CHMP2B: variants seen among roughly 807,000 people sequenced by gnomAD.
CHMP2B encodes VPS2 homolog B.
A neutral mutation model predicts 29.8 loss-of-function variants in CHMP2B; 22 were observed. That is an observed-to-expected ratio of 0.74 (90% CI 0.53 to 1.05). The LOEUF is 1.05. Among genes scored for constraint, CHMP2B ranks in the 50% least tolerant of loss-of-function variants. The probability of loss-of-function intolerance (pLI) is 0.00; values close to 1 mark genes in which losing one functional copy is unlikely to be tolerated. For missense variants in CHMP2B, 261 were observed against 252.2 expected (o/e 1.03, Z -0.24); for synonymous variants, 78 against 75.8 (o/e 1.03, Z -0.15).
rs577108701 is a variant in CHMP2B, at chr3:87,236,549, C to G, written c.35-4150C>G. Among the ~76,000 whole-genome samples, 41 of 152,114 alleles carry G rather than the reference C, an allele frequency of 2.7e-4. 1 individual carries two copies. In the East Asian group the frequency reaches 7.6e-3, roughly 28 times the overall value. Reference sequence around the variant, plus strand: ...GTCTTTCTGAGCAGTATTGTTGTAGCTTGTATAAGACCATCATCACCACCG... The same window carrying G: ...GTCTTTCTGAGCAGTATTGTTGTAGGTTGTATAAGACCATCATCACCACCG... On this transcript the variant is annotated intron_variant, in intron 1 of 5. Transcript: ENST00000263780.
At chr3:87,243,280 A>G (rs1264809038) in intron 2 of CHMP2B, among the ~76,000 whole-genome samples, 1 of 152,112 alleles carries the variant, frequency 6.6e-6, no homozygotes, top group Non-Finnish European at 1.5e-5. Context: ...CCCACTTGGT[A>G]ATGATGTATT....
intron 1 of CHMP2B, among the ~76,000 whole-genome samples, chr3:87,231,219 G>A (rs1705904897): frequency 1.3e-5 from 2 of 152,026 alleles, no homozygotes; most frequent in African/African-American, 2.4e-5. Context: ...CTGTACCTAG[G>A]TGTCTCACAG....
rs1026142155 is a variant in CHMP2B, at chr3:87,255,259, A to G, written c.*1437A>G. On this transcript the variant is annotated 3_prime_UTR_variant, in exon 6 of 6. Coordinates refer to ENST00000263780, the MANE Select transcript of CHMP2B (RefSeq NM_014043.4). ...TTTATATTCCGTAAACCATTTTATA[A>G]TGTTCAAAGATTAGGTTTTGTTATT... 6.6e-6 allele frequency: 1 copy of G among 152,484 alleles called. No homozygotes were observed. Among genetic ancestry groups the G allele is most frequent in the Non-Finnish European group, 1.5e-5 (1 of 67,934 alleles). 9.4% of individuals were successfully genotyped at this position (152,484 alleles called of 1,614,324 possible). A position where few individuals can be genotyped will look rare whatever the true frequency, so the allele number is the denominator to read the frequency against.
chr3:87,252,656 T>G (rs1050412251), intron 4 of CHMP2B, among the ~76,000 whole-genome samples: 19 of 152,112 alleles, frequency 1.2e-4, no homozygotes, highest in African/African-American at 4.6e-4. Flanking sequence ...TATACTCAAG[T>G]GTCAACTACC....
chr3:87,240,531 A>T (rs997481510), intron 1 of CHMP2B, 168 bp from the exon 2 acceptor site: 2 of 554,830 alleles, frequency 3.6e-6, no homozygotes, highest in South Asian at 3.7e-5. Context: ...GCTGGTCTCG[A>T]ACTCCTGACC....
chr3:87,244,262 T>C (rs929284271), intron 2 of CHMP2B, among the ~76,000 whole-genome samples: 6 of 151,942 alleles, frequency 3.9e-5, no homozygotes, highest in Admixed American at 2.6e-4. Context: ...GCCAGGATGG[T>C]CTTGATTTCT....
At chr3:87,236,623 G>A (rs1001095662) in intron 1 of CHMP2B, among the ~76,000 whole-genome samples, 9 of 151,910 alleles carry the variant, frequency 5.9e-5, no homozygotes, top group Admixed American at 1.3e-4. Flanking sequence ...AGGCCGAGGC[G>A]GTTGGATCAC....
chr3:87,251,794 T>G (rs896885773), intron 4 of CHMP2B, among the ~76,000 whole-genome samples: 7 of 151,956 alleles, frequency 4.6e-5, no homozygotes, highest in African/African-American at 1.7e-4. Flanking sequence ...AGCATTCTTC[T>G]TTGTTAGTCT....
At chr3:87,243,053 C>T (rs1706148884) in intron 2 of CHMP2B, among the ~76,000 whole-genome samples, 1 of 152,040 alleles carries the variant, frequency 6.6e-6, no homozygotes, top group South Asian at 2.1e-4. Flanking sequence ...TGTTAGTTAA[C>T]ATTAACAGAA....
At chr3:87,240,108 A>G (rs772999398) in intron 1 of CHMP2B, among the ~76,000 whole-genome samples, 12 of 152,092 alleles carry the variant, frequency 7.9e-5, no homozygotes, top group Non-Finnish European at 1.3e-4. Flanking sequence ...ACACTATACT[A>G]ATCAGTTCTG....
At chr3:87,241,885 G>A (rs1017010248) in intron 2 of CHMP2B, among the ~76,000 whole-genome samples, 1 of 152,086 alleles carries the variant, frequency 6.6e-6, no homozygotes, top group African/African-American at 2.4e-5. Context: ...AAATTAAAGT[G>A]CTGAAAAATT....
chr3:87,252,618 C>T (rs976146734), intron 4 of CHMP2B, among the ~76,000 whole-genome samples: 10 of 151,784 alleles, frequency 6.6e-5, no homozygotes, highest in African/African-American at 2.2e-4. Context: ...TTTCTCTTAC[C>T]ACAATCTGTT....
intron 2 of CHMP2B, 54 bp downstream of exon 2, chr3:87,240,844 T>G: frequency 7.4e-7 from 1 of 1,351,658 alleles, no homozygotes; most frequent in Non-Finnish European, 1.1e-6. Context: ...TGGAAATTAC[T>G]GTAGGAATAA....
chr3:87,230,632 C>T (rs1705890180), intron 1 of CHMP2B, among the ~76,000 whole-genome samples: 3 of 152,142 alleles, frequency 2.0e-5, no homozygotes, highest in African/African-American at 7.2e-5. Flanking sequence ...TAACCCACTC[C>T]TGACTCTCCC....
intron 1 of CHMP2B, among the ~76,000 whole-genome samples, chr3:87,230,186 A>G (rs760048789): frequency 6.6e-6 from 1 of 152,196 alleles, no homozygotes; most frequent in Non-Finnish European, 1.5e-5. Context: ...ACTTGTCACA[A>G]ATGCACAACT....
intron 1 of CHMP2B, among the ~76,000 whole-genome samples, chr3:87,236,459 T>C (rs1706013387): frequency 1.3e-5 from 2 of 152,198 alleles, no homozygotes; most frequent in African/African-American, 4.8e-5. Flanking sequence ...ATCTTAACTT[T>C]CAGCAGTTGC....
chr3:87,245,345 A>G (rs1263198677), intron 2 of CHMP2B, among the ~76,000 whole-genome samples: 2 of 151,726 alleles, frequency 1.3e-5, no homozygotes, highest in African/African-American at 2.4e-5. Flanking sequence ...TTTTAGATCT[A>G]TCACTTTGCC....
At chr3:87,239,042 A>T (rs1015421197) in intron 1 of CHMP2B, among the ~76,000 whole-genome samples, 3 of 152,044 alleles carry the variant, frequency 2.0e-5, no homozygotes, top group African/African-American at 7.2e-5. Flanking sequence ...CACACTTTTT[A>T]TGTGTTCATT....
intron 4 of CHMP2B, among the ~76,000 whole-genome samples, chr3:87,252,008 T>C (rs1365755704): frequency 1.3e-5 from 2 of 151,986 alleles, no homozygotes; most frequent in Non-Finnish European, 2.9e-5. Context: ...TAAATTCCTT[T>C]AGGGGTTTTC....
Sources: allele counts gnomAD v4.1 joint callset (sites outside exome capture counted in the v4.1 genomes callset), GRCh38; gene constraint gnomAD v4.1.1; transcripts MANE v1.5; gene names NCBI Gene and HGNC (gene_info 2026-07-23, HGNC 2026-07-21).